TENM3: variants seen among roughly 807,000 people sequenced by gnomAD.
TENM3 encodes teneurin-3.
TENM3 carries 63 observed loss-of-function variants against 255.1 expected under a neutral mutation model. The observed-to-expected ratio is 0.25, with a 90% CI of 0.20 to 0.30. The LOEUF is 0.30. Among genes scored for constraint, TENM3 ranks in the 10% least tolerant of loss-of-function variants. The probability of loss-of-function intolerance (pLI) is 1.00; values close to 1 mark genes in which losing one functional copy is unlikely to be tolerated. For synonymous variants in TENM3, 1,306 were observed against 1,322.3 expected (o/e 0.99, Z 0.27); for missense variants, 2,929 against 3,461.1 (o/e 0.85, Z 3.86).
At chr4:182,022,844 A>C in the TENM3 span, among the ~76,000 whole-genome samples, 1 of 152,228 alleles carries the variant, frequency 6.6e-6, no homozygotes, top group African/African-American at 2.4e-5. Flanking sequence ...ATACTTAAAA[A>C]TGTATAACAG....
the TENM3 span, among the ~76,000 whole-genome samples, chr4:181,847,947 C>T: frequency 2.6e-5 from 4 of 152,058 alleles, no homozygotes; most frequent in Non-Finnish European, 5.9e-5. Context: ...TTCACAATGT[C>T]GGTCCTTGTT....
chr4:181,452,044 G>A, the TENM3 span, among the ~76,000 whole-genome samples: 6 of 152,176 alleles, frequency 3.9e-5, no homozygotes, highest in Admixed American at 2.6e-4. Context: ...GCCAAGGGAA[G>A]AAGAGGGCAT....
At chr4:182,168,190 A>G (rs1169685342) in intron 1 of TENM3, among the ~76,000 whole-genome samples, 1 of 150,916 alleles carries the variant, frequency 6.6e-6, no homozygotes, top group Non-Finnish European at 1.5e-5. Flanking sequence ...GCCGGAGTGC[A>G]GTGGTGCAAT....
At chr4:181,902,113 G>T in the TENM3 span, among the ~76,000 whole-genome samples, 1 of 18,526 alleles carries the variant, frequency 5.4e-5, no homozygotes, top group Non-Finnish European at 1.2e-4. Context: ...GTGCATGTGA[G>T]CATACACACA....
intron 3 of TENM3, among the ~76,000 whole-genome samples, chr4:182,506,576 T>C (rs992024774): frequency 2.6e-5 from 4 of 152,198 alleles, no homozygotes; most frequent in Non-Finnish European, 5.9e-5. Flanking sequence ...TATACTGTAT[T>C]AAAATTAAAA....
chr4:181,917,957 C>T, the TENM3 span, among the ~76,000 whole-genome samples: 36 of 151,982 alleles, frequency 2.4e-4, no homozygotes, highest in African/African-American at 7.7e-4. Flanking sequence ...CCACCGTGCC[C>T]GGCCTGTTCC....
the TENM3 span, among the ~76,000 whole-genome samples, chr4:181,580,246 C>A: frequency 6.6e-6 from 1 of 152,076 alleles, no homozygotes; most frequent in African/African-American, 2.4e-5. Context: ...GACCCACCAG[C>A]CTCGGCCTCC....
the TENM3 span, among the ~76,000 whole-genome samples, chr4:181,901,552 C>A: frequency 6.6e-6 from 1 of 152,172 alleles, no homozygotes; most frequent in Non-Finnish European, 1.5e-5. Flanking sequence ...CTCAATATGT[C>A]GTGAGAGTCT....
Position 182,654,619 on chromosome 4 carries a change from C to A in TENM3, c.1111+726C>A, listed in dbSNP as rs907849017. Among the ~76,000 whole-genome samples the A allele has an allele frequency of 6.6e-5, 10 of 152,174 alleles. No homozygotes were observed. The East Asian group carries it at 9.7e-4, about 15-fold the overall frequency. On this transcript the variant is annotated intron_variant, in intron 6 of 27. Coordinates refer to ENST00000511685, the MANE Select transcript of TENM3 (RefSeq NM_001080477.4). ...ATCTCAGAGCATCCTGATGAAGACG[C>A]CTTTTTCTGTCATCTGGTTAATAAA...
At chr4:182,765,288 T>A (rs1763607830) in intron 22 of TENM3, among the ~76,000 whole-genome samples, 1 of 152,130 alleles carries the variant, frequency 6.6e-6, no homozygotes, top group Non-Finnish European at 1.5e-5. Context: ...GGTGCAAATA[T>A]GTGAGTTTAC....
chr4:182,800,141 C>T lies in TENM3; in HGVS notation c.7890C>T (p.Ala2630=). 3 of 1,455,926 alleles carry T rather than the reference C, an allele frequency of 2.1e-6. No homozygotes were observed. Among genetic ancestry groups the T allele is most frequent in the Non-Finnish European group, 1.8e-6 (2 of 1,113,870 alleles). 90.2% of individuals were successfully genotyped at this position (1,455,926 alleles called of 1,614,324 possible). A position where few individuals can be genotyped will look rare whatever the true frequency, so the allele number is the denominator to read the frequency against. The change falls in exon 28 of 28, where the codon GCC becomes GCT. Residue 2630 remains alanine (A), a synonymous_variant. Transcript: ENST00000511685. ...AGCAGGCGCGGCAGCGCGCGCTCGCCCGGGCCTGGGCGCGCGAGCAGCAGC... is the reference window on the plus strand; with the variant it reads ...AGCAGGCGCGGCAGCGCGCGCTCGCTCGGGCCTGGGCGCGCGAGCAGCAGC... ...ILEQARQRAL[A]RAWAREQQRV... is the part of the protein sequence containing the mutation.
the TENM3 span, among the ~76,000 whole-genome samples, chr4:181,780,675 T>C: frequency 0.98 from 149,007 of 152,254 alleles, 73,005 homozygotes; most frequent in East Asian, 1. Context: ...CTTTTGTTGC[T>C]GTTGCTTTTG....
At chr4:181,987,467 T>G in the TENM3 span, among the ~76,000 whole-genome samples, 1 of 152,136 alleles carries the variant, frequency 6.6e-6, no homozygotes, top group Non-Finnish European at 1.5e-5. Context: ...CTTCCCAGTT[T>G]CTCTGGATGA....
chr4:181,572,019 T>C, the TENM3 span, among the ~76,000 whole-genome samples: 45 of 152,354 alleles, frequency 3.0e-4, no homozygotes, highest in African/African-American at 1.1e-3. Flanking sequence ...TTTATCGCTG[T>C]AGCATAGTTC....
At chr4:182,130,288 G>A in the TENM3 span, among the ~76,000 whole-genome samples, 1 of 152,080 alleles carries the variant, frequency 6.6e-6, no homozygotes, top group Non-Finnish European at 1.5e-5. Flanking sequence ...ATAGGTGAAC[G>A]TGACACAAAT....
At chr4:182,089,594 C>G in the TENM3 span, among the ~76,000 whole-genome samples, 967 of 152,316 alleles carry the variant, frequency 6.3e-3, 25 homozygotes, top group East Asian at 0.078. Flanking sequence ...CCATTGGACT[C>G]TCTCTCATGT....
chr4:182,092,746 A>G, the TENM3 span, among the ~76,000 whole-genome samples: 1 of 152,264 alleles, frequency 6.6e-6, no homozygotes, highest in East Asian at 1.9e-4. Flanking sequence ...TTAGGCAATC[A>G]CAATTTCAAT....
chr4:181,650,904 G>A, the TENM3 span, among the ~76,000 whole-genome samples: 2 of 152,308 alleles, frequency 1.3e-5, no homozygotes, highest in South Asian at 4.1e-4. Flanking sequence ...TAAAATGTAT[G>A]TTTTACAAGC....
chr4:182,375,280 C>T (rs1211292517), intron 3 of TENM3, among the ~76,000 whole-genome samples: 4 of 151,892 alleles, frequency 2.6e-5, no homozygotes, highest in Non-Finnish European at 5.9e-5. Context: ...GGGAATTAGG[C>T]TTCTAAGTCC....
Sources: allele counts gnomAD v4.1 joint callset (sites outside exome capture counted in the v4.1 genomes callset), GRCh38; gene constraint gnomAD v4.1.1; transcripts MANE v1.5; gene names NCBI Gene and HGNC (gene_info 2026-07-23, HGNC 2026-07-21).